Variants in KCNMA1 observed in about 807,000 individuals in gnomAD.
The protein encoded by KCNMA1 is potassium calcium-activated channel subfamily M alpha 1.
In KCNMA1, 29 loss-of-function variants were observed where a neutral mutation model predicts 140.0. That is an observed-to-expected ratio of 0.21 (90% confidence interval 0.15 to 0.28). The LOEUF (loss-of-function observed/expected upper bound fraction) is 0.28, where lower values mean the gene tolerates loss of function less well. Among genes scored for constraint, KCNMA1 ranks in the 10% least tolerant of loss-of-function variants. KCNMA1 has a pLI of 1.00. For missense variants in KCNMA1, 880 were observed against 1,602.2 expected (o/e 0.55, Z 7.70); for synonymous variants, 612 against 611.9 (o/e 1.00, Z 0.00).
At chr10:76,891,993 C>T (rs1228864093) in intron 25 of KCNMA1, among the ~76,000 whole-genome samples, 1 of 152,048 alleles carries the variant, frequency 6.6e-6, no homozygotes, top group Non-Finnish European at 1.5e-5. Context: ...TTAGTGTTTG[C>T]CATAATTGGT....
At chr10:77,588,754 A>G (rs1486845063) in intron 1 of KCNMA1, among the ~76,000 whole-genome samples, 1 of 152,244 alleles carries the variant, frequency 6.6e-6, no homozygotes, top group Non-Finnish European at 1.5e-5. Flanking sequence ...CAGCAAGAGG[A>G]AACCTGGGGA....
At chr10:77,065,841 G>C (rs1371864793) in intron 14 of KCNMA1, among the ~76,000 whole-genome samples, 3 of 152,134 alleles carry the variant, frequency 2.0e-5, no homozygotes, top group Non-Finnish European at 4.4e-5. Context: ...TTAGAGGAAA[G>C]ACTCAACTGA....
At chr10:77,437,045 G>A (rs1005073413) in intron 1 of KCNMA1, among the ~76,000 whole-genome samples, 6 of 151,716 alleles carry the variant, frequency 4.0e-5, no homozygotes, top group African/African-American at 1.5e-4. Flanking sequence ...AGAGAGCCTG[G>A]AGCCATAAGT....
chr10:77,398,080 A>G lies in KCNMA1; in HGVS notation c.540+5782T>C, dbSNP rs12766879. On this transcript the variant is annotated intron_variant, in intron 2 of 27. Transcript: ENST00000286628. ...TGTGTATGTGTGTGTGTGTGTGTGT[A>G]TTTTTTTTTTCTTTATTTAATCATC... Among the ~76,000 whole-genome samples the G allele has an allele frequency of 5.1e-3, 519 of 101,010 alleles. 2 individuals carry two copies. Among genetic ancestry groups the G allele is most frequent in the Non-Finnish European group, 6.4e-3 (292 of 45,816 alleles). 66.3% of individuals were successfully genotyped at this position (101,010 alleles called of 152,430 possible). A position where few individuals can be genotyped will look rare whatever the true frequency, so the allele number is the denominator to read the frequency against.
chr10:76,933,436 T>C (rs1317815283), intron 23 of KCNMA1, among the ~76,000 whole-genome samples: 1 of 152,166 alleles, frequency 6.6e-6, no homozygotes, highest in East Asian at 1.9e-4. Context: ...TGCACCCACC[T>C]ACAAGCATTT....
At chr10:77,461,613 C>A (rs1037984847) in intron 1 of KCNMA1, among the ~76,000 whole-genome samples, 2 of 152,162 alleles carry the variant, frequency 1.3e-5, no homozygotes, top group Admixed American at 6.5e-5. Flanking sequence ...TGGACTAGGT[C>A]ACCCCTCCAC....
intron 3 of KCNMA1, among the ~76,000 whole-genome samples, chr10:77,242,260 A>G (rs1340942532): frequency 6.6e-6 from 1 of 152,236 alleles, no homozygotes; most frequent in Non-Finnish European, 1.5e-5. Flanking sequence ...CACTGGATAG[A>G]GTCCGCTTCT....
intron 1 of KCNMA1, among the ~76,000 whole-genome samples, chr10:77,477,340 C>A (rs1009449077): frequency 1.5e-4 from 23 of 152,190 alleles, no homozygotes; most frequent in African/African-American, 5.3e-4. Context: ...GTTCCTTGGA[C>A]AAAGATCCCA....
chr10:77,389,437 C>A (rs1384037772), intron 2 of KCNMA1, among the ~76,000 whole-genome samples: 1 of 152,082 alleles, frequency 6.6e-6, no homozygotes, highest in Non-Finnish European at 1.5e-5. Context: ...CTTTCAGGGG[C>A]CCCATGATTT....
chr10:77,454,750 T>C (rs1054043253), intron 1 of KCNMA1, among the ~76,000 whole-genome samples: 7 of 152,230 alleles, frequency 4.6e-5, no homozygotes, highest in African/African-American at 1.4e-4. Flanking sequence ...CAAAATGTCA[T>C]GGTTGCAGCC....
At chr10:77,123,171 C>T in intron 5 of KCNMA1, among the ~76,000 whole-genome samples, 1 of 97,940 alleles carries the variant, frequency 1.0e-5, no homozygotes, top group Non-Finnish European at 1.8e-5. Flanking sequence ...CAGAGCGAGA[C>T]TCCGTCTCAA....
rs759140697 is a variant in KCNMA1, at chr10:77,403,997, T to C, written c.405A>G (p.Ser135=). 1.9e-6 allele frequency: 3 copies of C among 1,614,044 alleles called. No homozygotes were observed. The highest frequency in any genetic ancestry group is 1.7e-5 in the Admixed American group (1 of 60,010). The change falls in exon 2 of 28, where the codon TCA becomes TCG. Residue 135 remains serine, a synonymous_variant. Transcript: ENST00000286628. ...TKEAQKINNG[S]SQADGTLKPV... ...GTTTGAGAGTGCCATCCGCCTGGCT[T>C]GAGCCATTGTTAATCTTCTGGGCCT...
intron 17 of KCNMA1, among the ~76,000 whole-genome samples, chr10:77,014,972 A>G (rs975943350): frequency 6.6e-6 from 1 of 152,028 alleles, no homozygotes; most frequent in African/African-American, 2.4e-5. Context: ...ACCCACAACC[A>G]TGGATTTCAG....
At chr10:77,392,662 G>C (rs2095875284) in intron 2 of KCNMA1, among the ~76,000 whole-genome samples, 1 of 152,228 alleles carries the variant, frequency 6.6e-6, no homozygotes, top group Non-Finnish European at 1.5e-5. Context: ...AATGGATGAA[G>C]GGATGGAGGA....
At chr10:77,609,298 C>T (rs1346552995) in intron 1 of KCNMA1, among the ~76,000 whole-genome samples, 1 of 152,218 alleles carries the variant, frequency 6.6e-6, no homozygotes, top group Non-Finnish European at 1.5e-5. Context: ...TTTCCAACAA[C>T]ATGGATGAAC....
intron 14 of KCNMA1, among the ~76,000 whole-genome samples, chr10:77,060,479 A>G (rs2095699902): frequency 6.6e-6 from 1 of 152,160 alleles, no homozygotes; most frequent in Admixed American, 6.5e-5. Context: ...TTTGGGGTGC[A>G]GAGTACTTGT....
intron 19 of KCNMA1, chr10:76,979,862 G>A (rs921026551): frequency 1.3e-5 from 2 of 152,122 alleles, no homozygotes; most frequent in African/African-American, 2.4e-5. Flanking sequence ...GGTGCCCGAC[G>A]AAGAATATTC....
chr10:77,074,073 T>C (rs192229980), intron 13 of KCNMA1, among the ~76,000 whole-genome samples: 147 of 152,130 alleles, frequency 9.7e-4, no homozygotes, highest in Non-Finnish European at 1.8e-3. Context: ...AAGACCAAAC[T>C]AAAAAGATTT....
In KCNMA1 at chr10:76,942,908, T is replaced by C. The variant is rs78719742; in HGVS notation, c.2902+1865A>G. Reference sequence around the variant, plus strand: ...CTACCAAGGGTTGGTCACATCCTGTTCATGTGAAGGTTTACTGTGCTTTAA... The same window carrying C: ...CTACCAAGGGTTGGTCACATCCTGTCCATGTGAAGGTTTACTGTGCTTTAA... On this transcript the variant is annotated intron_variant, in intron 23 of 27. Coordinates refer to ENST00000286628, the MANE Select transcript of KCNMA1 (RefSeq NM_001161352.2). Among the ~76,000 whole-genome samples the C allele has an allele frequency of 4.9e-3, 746 of 152,222 alleles. 5 individuals carry two copies. The highest frequency in any genetic ancestry group is 0.017 in the African/African-American group (709 of 41,550).
Sources: allele counts gnomAD v4.1 joint callset (sites outside exome capture counted in the v4.1 genomes callset), GRCh38; gene constraint gnomAD v4.1.1; transcripts MANE v1.5; gene names NCBI Gene and HGNC (gene_info 2026-07-23, HGNC 2026-07-21).